SPG11: variants seen among roughly 807,000 people sequenced by gnomAD.
SPG11 encodes spatacsin.
SPG11 carries 222 observed loss-of-function variants against 274.0 expected under a neutral mutation model. The ratio of observed to expected loss-of-function variants is 0.81; its 90% confidence interval spans 0.73 to 0.91. SPG11 has a LOEUF of 0.91. SPG11 is among the 40% of genes least tolerant of loss of function. SPG11 has a pLI of 0.00. For synonymous variants in SPG11, 1,144 were observed against 1,039.7 expected (o/e 1.10, Z -1.93); for missense variants, 3,114 against 2,872.7 (o/e 1.08, Z -1.92).
At chr15:44,590,429 GC>G (rs1376948200) in intron 27 of SPG11, 1 of 151,986 alleles carries the variant, frequency 6.6e-6, no homozygotes, top group Admixed American at 6.6e-5. Context: ...ACCTGCTGCT[GC>G]TGTTTTTTTT....
chr15:44,624,898 G>A (rs189400188), intron 11 of SPG11, among the ~76,000 whole-genome samples: 1 of 152,176 alleles, frequency 6.6e-6, no homozygotes, highest in East Asian at 1.9e-4. Flanking sequence ...ACTTTGGGAG[G>A]TCGAGGCAGG....
chr15:44,570,673 A>G lies in SPG11; in HGVS notation c.6344-15T>C. 4 of 1,613,052 alleles carry G rather than the reference A, an allele frequency of 2.5e-6. No homozygotes were observed. The highest frequency in any genetic ancestry group is 3.4e-6 in the Non-Finnish European group (4 of 1,179,628). ...GAGCTCTGTGGCTGGGAGGGTGGGC[A>G]CTGGTAAGATAAGATTATGAACCCT... On this transcript the variant is annotated splice_polypyrimidine_tract_variant and intron_variant, in intron 33 of 39. Coordinates refer to ENST00000261866, the MANE Select transcript of SPG11 (RefSeq NM_025137.4).
chr15:44,592,170 G>C (rs911867292), intron 27 of SPG11, among the ~76,000 whole-genome samples, 161 bp downstream of exon 27: 1 of 151,712 alleles, frequency 6.6e-6, no homozygotes, highest in African/African-American at 2.4e-5. Context: ...GAGGCAGGAG[G>C]ATCCCTTGAG....
chr15:44,615,752 G>A (rs1567164962), intron 15 of SPG11, among the ~76,000 whole-genome samples, 186 bp from the exon 16 acceptor site: 2 of 152,192 alleles, frequency 1.3e-5, no homozygotes, highest in East Asian at 1.9e-4. Flanking sequence ...CTGCACCACT[G>A]TAGTATTTAA....
chr15:44,629,258 T>A lies in SPG11; in HGVS notation c.1866A>T (p.Ile622=), dbSNP rs1336753682. 1 of 1,614,110 alleles carries A rather than the reference T, an allele frequency of 6.2e-7. No individual in the cohort carries two copies. Among genetic ancestry groups the A allele is most frequent in the South Asian group, 1.1e-5 (1 of 91,076 alleles). Residue 622 remains isoleucine, a synonymous_variant, in exon 9 of 40, where the codon ATA becomes ATT. Transcript: ENST00000261866. ...NLTLSFLNNQ[I]KELFIHTEEL... ...CTTCAGTGTGAATGAAAAGCTCCTT[T>A]ATTTGGTTGTTAAGGAAAGACAGTG...
rs529487726 is a variant in SPG11, at chr15:44,650,340, G to C, written c.1456+1151C>G. Among the ~76,000 whole-genome samples, 153 of 152,214 alleles carry C rather than the reference G, an allele frequency of 1.0e-3. 1 individual carries two copies. Among genetic ancestry groups the C allele is most frequent in the African/African-American group, 3.5e-3 (147 of 41,532 alleles). On this transcript the variant is annotated intron_variant, in intron 6 of 39. Coordinates refer to ENST00000261866, the MANE Select transcript of SPG11 (RefSeq NM_025137.4). ...TTGAGACCAGCCTGGGCAAGGTAGT[G>C]AGACCTCATCTCTATTAAAAAATAA...
intron 9 of SPG11, 151 bp from the exon 10 acceptor site, chr15:44,628,995 G>GTAGCT (rs1344470590): frequency 5.2e-5 from 46 of 885,082 alleles, no homozygotes; most frequent in Non-Finnish European, 7.8e-5. Context: ...TTACAAGTAA[G>GTAGCT]TAGCTCTGTA....
chr15:44,570,596 T>A lies in SPG11; in HGVS notation c.6406A>T (p.Ile2136Phe). Reference protein sequence around the residue: ...FTLTCHMEGIIRVLQAAHMLT... With the variant: ...FTLTCHMEGIFRVLQAAHMLT... The stretch of plus-strand genomic sequence containing the variant: ...ATGTGGGCGGCCTGTAGGACTCGGA[T>A]GATGCCCTCCATGTGGCACGTCAGG... The change falls in exon 34 of 40, where the codon ATC (isoleucine) becomes TTC (phenylalanine). Residue 2136 changes from isoleucine (I) to phenylalanine (F), a missense_variant. Transcript: ENST00000261866. 6.2e-7 allele frequency: 1 copy of A among 1,614,088 alleles called. No individual in the cohort carries two copies. The highest frequency in any genetic ancestry group is 8.5e-7 in the Non-Finnish European group (1 of 1,179,976).
chr15:44,578,915 G>GGAGGCCAAGGTGGGTGGATCACCT (rs2082601752), intron 30 of SPG11, among the ~76,000 whole-genome samples: 1 of 152,154 alleles, frequency 6.6e-6, no homozygotes, highest in African/African-American at 2.4e-5. Flanking sequence ...CAACACTTTG[G>GGAGGCCAAGGTGGGTGGATCACCT]GAGGCCAAGG....
At chr15:44,625,901 A>C (rs1157230546) in intron 11 of SPG11, among the ~76,000 whole-genome samples, 1 of 151,406 alleles carries the variant, frequency 6.6e-6, no homozygotes, top group Non-Finnish European at 1.5e-5. Flanking sequence ...GCTGGTCTCA[A>C]ACTCCTGACC....
At chr15:44,653,002 TA>T (rs1198039975) in intron 4 of SPG11, among the ~76,000 whole-genome samples, 1 of 152,012 alleles carries the variant, frequency 6.6e-6, no homozygotes, top group Non-Finnish European at 1.5e-5. Context: ...AACTAGAAGG[TA>T]AAGTATGTAT....
At chr15:44,659,853 G>C (rs1017414938) in intron 2 of SPG11, among the ~76,000 whole-genome samples, 11 of 152,176 alleles carry the variant, frequency 7.2e-5, no homozygotes, top group African/African-American at 2.7e-4. Context: ...TTGAGGTCAG[G>C]AGTTTGAGAC....
chr15:44,565,006 G>C (rs1047009540), intron 38 of SPG11, among the ~76,000 whole-genome samples: 2 of 152,094 alleles, frequency 1.3e-5, no homozygotes, highest in African/African-American at 4.8e-5. Flanking sequence ...TGCATATCTG[G>C]GACTACAGGT....
At chr15:44,656,593 T>C (rs375651381) in intron 4 of SPG11, among the ~76,000 whole-genome samples, 1 of 152,138 alleles carries the variant, frequency 6.6e-6, no homozygotes, top group Non-Finnish European at 1.5e-5. Flanking sequence ...GGTCAGAGAC[T>C]GAGATGTAAA....
intron 17 of SPG11, among the ~76,000 whole-genome samples, chr15:44,612,382 A>AC (rs2083483967): frequency 6.6e-6 from 1 of 152,190 alleles, no homozygotes; most frequent in South Asian, 2.1e-4. Context: ...TACCTAGGCT[A>AC]TCTACCTATG....
At chr15:44,584,611 T>C in intron 29 of SPG11, 53 bp from the exon 30 acceptor site, 3 of 1,582,516 alleles carry the variant, frequency 1.9e-6, no homozygotes, top group South Asian at 1.1e-5. Flanking sequence ...AAAAGTATCA[T>C]AAATGCTAAT....
Position 44,596,268 on chromosome 15 carries a change from T to C in SPG11, c.4249A>G (p.Lys1417Glu), listed in dbSNP as rs1428664976. ...FENLPSVPTS[K>E]MDSDQVCNKC... is the part of the protein sequence containing the mutation. ...TTGCAGACTTGATCGCTGTCCATTTTGGAGGTGGGCACTGAGGGCAAGTTC... is the reference window on the plus strand; with the variant it reads ...TTGCAGACTTGATCGCTGTCCATTTCGGAGGTGGGCACTGAGGGCAAGTTC... The change falls in exon 25 of 40, where the codon AAA (lysine) becomes GAA (glutamate). Residue 1417 changes from lysine to glutamate, a missense_variant. By Grantham distance (56) the Lys-to-Glu change is moderately conservative. Transcript: ENST00000261866. 1 of 1,614,084 alleles carries C rather than the reference T, an allele frequency of 6.2e-7. No individual in the cohort carries two copies. The highest frequency in any genetic ancestry group is 8.5e-7 in the Non-Finnish European group (1 of 1,180,032).
intron 6 of SPG11, 68 bp from the exon 7 acceptor site, chr15:44,649,079 AT>A (rs2141099427): frequency 2.4e-6 from 3 of 1,247,776 alleles, no homozygotes; most frequent in East Asian, 4.8e-5. Context: ...TTAGGAATTG[AT>A]TTTTAATTAC....
intron 30 of SPG11, among the ~76,000 whole-genome samples, chr15:44,576,747 T>C (rs1378362182): frequency 6.6e-6 from 1 of 151,996 alleles, no homozygotes; most frequent in African/African-American, 2.4e-5. Context: ...AAAATAAATA[T>C]TGTGTTGCTT....
Sources: gnomAD v4.1 joint callset for allele counts (sites outside exome capture counted in the v4.1 genomes callset) on GRCh38, gnomAD v4.1.1 for gene constraint, MANE v1.5 for transcripts, NCBI Gene and HGNC (gene_info 2026-07-23, HGNC 2026-07-21) for gene names.